Variants in ASAH1 observed in about 807,000 individuals in gnomAD.
ASAH1 encodes the protein acid ceramidase.
Under a neutral mutation model 59.5 loss-of-function variants are expected in ASAH1, and 70 were observed. That is an observed-to-expected ratio of 1.18 (90% CI 0.97 to 1.43). ASAH1 has a LOEUF of 1.43. Among genes scored for constraint, ASAH1 ranks in the 40% most tolerant of loss-of-function variants. The pLI is 0.00. For missense variants in ASAH1, 660 were observed against 482.5 expected, an observed-to-expected ratio of 1.37 and a Z score of -3.45; for synonymous variants, 213 against 166.5, an observed-to-expected ratio of 1.28 and a Z score of -2.15.
intron 9 of ASAH1, 73 bp downstream of exon 9, chr8:18,061,613 C>A: frequency 6.6e-7 from 1 of 1,519,138 alleles, no homozygotes; most frequent in South Asian, 1.2e-5. Flanking sequence ...ACTTTGTAAC[C>A]AGAAGGCACA....
rs1348114526 is a variant in ASAH1 at position 18,084,051 on chromosome 8, C to T, written c.8G>A (p.Gly3Asp). 4.4e-6 allele frequency: 7 copies of T among 1,598,584 alleles called. No individual in the cohort carries two copies. The highest frequency in any genetic ancestry group is 1.1e-5 in the South Asian group (1 of 91,082). ...GAGGACTAAGGCGACGCAACTCCGG[C>T]CCGGCATCGCTCTAGCAGCCAACGC... MP[G>D]RSCVALVLLA... Residue 3 changes from glycine (G) to aspartate (D), a missense_variant, in exon 1 of 14, where the codon GGC (glycine) becomes GAC (aspartate). Gly to Asp is a moderately conservative substitution (Grantham distance 94). Transcript: ENST00000637790.
chr8:18,066,971 C>A, intron 5 of ASAH1: 1 of 410,158 alleles, frequency 2.4e-6, no homozygotes, highest in Non-Finnish European at 4.4e-6. Flanking sequence ...CTGGAGGAGG[C>A]AGTATTTTCT....
chr8:18,084,426 C>A (rs1047907552), upstream of ASAH1: 18 of 1,377,434 alleles, frequency 1.3e-5, no homozygotes, highest in East Asian at 3.6e-4. Flanking sequence ...CTCGATGGGG[C>A]GCCTCTAGCA....
chr8:18,073,536 A>G (rs1478884207), intron 2 of ASAH1, among the ~76,000 whole-genome samples: 2 of 152,226 alleles, frequency 1.3e-5, no homozygotes, highest in Admixed American at 1.3e-4. Context: ...AGTGCTAGGC[A>G]TCCCGTGAGC....
intron 1 of ASAH1, chr8:18,076,493 T>C (rs1359300042): frequency 6.6e-6 from 1 of 152,196 alleles, no homozygotes; most frequent in Non-Finnish European, 1.5e-5. Flanking sequence ...CCTAAACTTA[T>C]CAAAAAAAGT....
intron 3 of ASAH1, among the ~76,000 whole-genome samples, chr8:18,070,155 A>ATT (rs34633455): frequency 2.1e-4 from 31 of 147,462 alleles, no homozygotes; most frequent in East Asian, 2.0e-3. Context: ...TAATTTTTGT[A>ATT]TTTTTTTTTT....
intron 6 of ASAH1, 96 bp from the exon 7 acceptor site, chr8:18,063,326 C>CAA: frequency 1.6e-6 from 2 of 1,217,950 alleles, no homozygotes; most frequent in South Asian, 2.4e-5. Context: ...ATTTTTGAGA[C>CAA]AGAGTCTCGT....
At chr8:18,079,186 T>C (rs766193290) in intron 1 of ASAH1, among the ~76,000 whole-genome samples, 7 of 151,262 alleles carry the variant, frequency 4.6e-5, no homozygotes, top group African/African-American at 1.2e-4. Flanking sequence ...GGTAGGAGAA[T>C]TGCCTGAAGC....
intron 1 of ASAH1, among the ~76,000 whole-genome samples, chr8:18,080,074 C>A (rs1800588844): frequency 6.6e-6 from 1 of 152,174 alleles, no homozygotes; most frequent in African/African-American, 2.4e-5. Context: ...TGGATTACAC[C>A]TGTGTGTTCC....
At position 18,061,986 on chromosome 8, in the gene ASAH1, C is replaced by T. The variant is rs768297915; in HGVS notation, c.649-246G>A. 19 of 620,428 alleles carry T rather than the reference C, an allele frequency of 3.1e-5. No individual in the cohort carries two copies. The East Asian group carries it at 3.9e-4, about 13-fold the overall frequency. 38.4% of individuals were successfully genotyped at this position (620,428 alleles called of 1,614,324 possible). A position where few individuals can be genotyped will look rare whatever the true frequency, so the allele number is the denominator to read the frequency against. On this transcript the variant is annotated intron_variant, in intron 8 of 13. Coordinates refer to ENST00000637790, the MANE Select transcript of ASAH1 (RefSeq NM_177924.5). ...AGGAAACTGAAGGGCAGAGAATGAA[C>T]GCCTGACTTGCCTAAGTGAGCGGAA...
At chr8:18,067,526 ACAGAGAC>A (rs1799984016) in intron 4 of ASAH1, 1 of 197,980 alleles carries the variant, frequency 5.1e-6, no homozygotes, top group Admixed American at 6.0e-5. Flanking sequence ...GGGCCCCTAT[ACAGAGAC>A]CAGATTCTCA....
chr8:18,073,194 A>G, intron 2 of ASAH1: 3 of 1,438,752 alleles, frequency 2.1e-6, no homozygotes, highest in Middle Eastern at 1.8e-4. Context: ...ACAGTTTTCT[A>G]AAACATTTCA....
intron 2 of ASAH1, among the ~76,000 whole-genome samples, chr8:18,072,142 T>C (rs1800200495): frequency 6.6e-6 from 1 of 152,226 alleles, no homozygotes; most frequent in African/African-American, 2.4e-5. Context: ...GGAACATTAT[T>C]TTCTGGCCCT....
At chr8:18,059,829 G>A in intron 10 of ASAH1, 126 bp from the exon 11 acceptor site, 2 of 939,432 alleles carry the variant, frequency 2.1e-6, no homozygotes, top group South Asian at 1.7e-5. Flanking sequence ...TTGTTACATA[G>A]GTACACACGT....
chr8:18,067,149 A>ACAGCACCTGTGCTGTTTGT, intron 5 of ASAH1, 71 bp downstream of exon 5: 1 of 1,376,970 alleles, frequency 7.3e-7, no homozygotes, highest in Non-Finnish European at 1.0e-6. Flanking sequence ...CTGTATGTAT[A>ACAGCACCTGTGCTGTTTGT]TCACACCTCA....
At chr8:18,075,272 C>A (rs559333661) in intron 2 of ASAH1, among the ~76,000 whole-genome samples, 1 of 152,130 alleles carries the variant, frequency 6.6e-6, no homozygotes, top group Non-Finnish European at 1.5e-5. Flanking sequence ...GGATTACAGG[C>A]GTGAGCCACC....
chr8:18,057,680 A>G (rs1372807272), intron 13 of ASAH1, 57 bp from the exon 14 acceptor site: 22 of 1,199,614 alleles, frequency 1.8e-5, no homozygotes, highest in Non-Finnish European at 2.6e-5. Flanking sequence ...ATGTTCTGAT[A>G]TATATTAGCA....
At chr8:18,084,892 A>C (rs963989855), upstream of ASAH1, 13 of 1,543,296 alleles carry the variant, frequency 8.4e-6, no homozygotes, top group East Asian at 9.4e-5. Context: ...GTAGCTCGGC[A>C]GGGGGACTCG....
chr8:18,083,057 A>G (rs1322056438), intron 1 of ASAH1: 1 of 152,234 alleles, frequency 6.6e-6, no homozygotes, highest in Admixed American at 6.5e-5. Flanking sequence ...ATGATTTTAA[A>G]GAATTTCTCC....
Sources: allele counts gnomAD v4.1 joint callset (sites outside exome capture counted in the v4.1 genomes callset), GRCh38; gene constraint gnomAD v4.1.1; transcripts MANE v1.5; gene names NCBI Gene and HGNC (gene_info 2026-07-23, HGNC 2026-07-21).